Variants in DNAH6 observed in about 807,000 individuals in gnomAD.
DNAH6 encodes axonemal beta dynein heavy chain 6.
A neutral mutation model predicts 491.4 loss-of-function variants in DNAH6; 340 were observed. The observed-to-expected ratio is 0.69, with a 90% CI of 0.63 to 0.76. The LOEUF (loss-of-function observed/expected upper bound fraction) is 0.76, where lower values mean the gene tolerates loss of function less well. Among genes scored for constraint, DNAH6 ranks in the 30% least tolerant of loss-of-function variants. The pLI, the probability that DNAH6 is intolerant of heterozygous loss-of-function variation, is 0.00. For synonymous variants in DNAH6, 1,603 were observed against 1,686.1 expected (o/e 0.95, Z 1.21); for missense variants, 4,443 against 4,972.2 (o/e 0.89, Z 3.20).
intron 33 of DNAH6, among the ~76,000 whole-genome samples, chr2:84,649,975 G>A (rs912006105): frequency 2.0e-5 from 3 of 152,002 alleles, no homozygotes; most frequent in Non-Finnish European, 4.4e-5. Flanking sequence ...CTGTCAGCCT[G>A]CATGGTCTCT....
At chr2:84,604,309 T>C in intron 18 of DNAH6, 30 bp from the exon 19 acceptor site, 1 of 1,510,456 alleles carries the variant, frequency 6.6e-7, no homozygotes, top group African/African-American at 1.4e-5. Context: ...GATAAAAAGC[T>C]TCATGTCTCT....
In DNAH6 at chr2:84,753,300, G is replaced by C. The variant is rs188984202; in HGVS notation, c.10512+8051G>C. 3.9e-5 allele frequency among the ~76,000 whole-genome samples: 6 copies of C among 152,102 alleles called. No homozygotes were observed. In the East Asian group the frequency reaches 1.2e-3, roughly 29 times the overall value. Reference sequence around the variant, plus strand: ...AAGTTTCTTATCAGATATATGATTTGCAAGAATGTTCTCTCATCCTATGGG... The same window carrying C: ...AAGTTTCTTATCAGATATATGATTTCCAAGAATGTTCTCTCATCCTATGGG... On this transcript the variant is annotated intron_variant, in intron 63 of 76. Coordinates refer to ENST00000389394, the MANE Select transcript of DNAH6 (RefSeq NM_001370.2).
chr2:84,496,656 C>T, the DNAH6 span, among the ~76,000 whole-genome samples: 1 of 152,058 alleles, frequency 6.6e-6, no homozygotes, highest in South Asian at 2.1e-4. Flanking sequence ...GAAACTCCCA[C>T]CTGTGATTTT....
intron 64 of DNAH6, among the ~76,000 whole-genome samples, chr2:84,766,347 A>T (rs1211552045): frequency 6.6e-6 from 1 of 152,204 alleles, no homozygotes; most frequent in African/African-American, 2.4e-5. Context: ...CTCTGACCAC[A>T]ATAAAATCTT....
At position 84,664,814 on chromosome 2, in the gene DNAH6, C is replaced by A. The variant is rs181570970; in HGVS notation, c.6085-4475C>A. ...ATATACATTCTTCTCAGCACCACAT[C>A]GCACTTATTCCAAAATTGGCCACAT... On this transcript the variant is annotated intron_variant, in intron 37 of 76. Transcript: ENST00000389394. 4.4e-3 allele frequency among the ~76,000 whole-genome samples: 667 copies of A among 152,256 alleles called. 3 individuals carry two copies. The highest frequency in any genetic ancestry group is 0.015 in the African/African-American group (624 of 41,574).
At position 84,775,963 on chromosome 2, in the gene DNAH6, CTG is replaced by C. The variant is rs1676081839; in HGVS notation, c.10704-5528_10704-5527del. On this transcript the variant is annotated intron_variant, in intron 64 of 76. Coordinates refer to ENST00000389394, the MANE Select transcript of DNAH6 (RefSeq NM_001370.2). ...CTTGTTTATCCTTTCAAAAAACAAA[CTG>C]TTTTATTAATTCTTTTATTTTTGCT... Among the ~76,000 whole-genome samples, 3 of 152,056 alleles carry C rather than the reference CTG, an allele frequency of 2.0e-5. No individual in the cohort carries two copies. The South Asian group carries it at 6.2e-4, about 32-fold the overall frequency.
At chr2:84,682,017 C>T (rs1693827088) in intron 42 of DNAH6, among the ~76,000 whole-genome samples, 1 of 152,084 alleles carries the variant, frequency 6.6e-6, no homozygotes, top group African/African-American at 2.4e-5. Flanking sequence ...AAATAATTTT[C>T]TTTAAGACCC....
At chr2:84,762,055 G>T (rs558445181) in intron 63 of DNAH6, among the ~76,000 whole-genome samples, 1 of 152,152 alleles carries the variant, frequency 6.6e-6, no homozygotes, top group South Asian at 2.1e-4. Context: ...GTTGGGGAGG[G>T]ACAAGGCCAG....
At position 84,533,212 on chromosome 2, in the gene DNAH6, T is replaced by C. The variant is rs114922179; in HGVS notation, c.662+4046T>C. Among the ~76,000 whole-genome samples the C allele has an allele frequency of 1.8e-3, 269 of 152,208 alleles. 2 individuals are homozygous for C. Among genetic ancestry groups the C allele is most frequent in the Non-Finnish European group, 3.3e-3 (223 of 67,994 alleles). Reference sequence around the variant, plus strand: ...GTAAACCTCATTTTTTGACTTAGCATTGACAGAGAGTGAAAATTGTGGATC... The same window carrying C: ...GTAAACCTCATTTTTTGACTTAGCACTGACAGAGAGTGAAAATTGTGGATC... On this transcript the variant is annotated intron_variant, in intron 4 of 76. Transcript: ENST00000389394.
chr2:84,771,257 T>G (rs1304035408), intron 64 of DNAH6, among the ~76,000 whole-genome samples: 2 of 149,556 alleles, frequency 1.3e-5, no homozygotes, highest in African/African-American at 4.9e-5. Context: ...CATTGCACTC[T>G]AGCCTGGGCA....
intron 41 of DNAH6, among the ~76,000 whole-genome samples, chr2:84,679,340 T>C (rs905431440): frequency 1.3e-5 from 2 of 152,190 alleles, no homozygotes; most frequent in Non-Finnish European, 2.9e-5. Context: ...ATGTACATTA[T>C]AAGTGACTCT....
intron 2 of DNAH6, among the ~76,000 whole-genome samples, chr2:84,523,379 TG>T (rs1410775292): frequency 6.6e-6 from 1 of 151,960 alleles, no homozygotes; most frequent in African/African-American, 2.4e-5. Flanking sequence ...ATGGCCTATC[TG>T]TCTTATTAAT....
At chr2:84,810,279 C>T (rs1284764448) in intron 72 of DNAH6, among the ~76,000 whole-genome samples, 2 of 152,188 alleles carry the variant, frequency 1.3e-5, no homozygotes, top group Non-Finnish European at 2.9e-5. Flanking sequence ...ATGTTACACT[C>T]GTCATCTTTG....
intron 11 of DNAH6, among the ~76,000 whole-genome samples, chr2:84,572,308 A>G (rs993238398): frequency 9.2e-5 from 14 of 152,234 alleles, no homozygotes; most frequent in African/African-American, 3.1e-4. Flanking sequence ...TGACAGAGAT[A>G]TGCAGTTCTT....
At chr2:84,599,124 T>A (rs1476243482) in intron 18 of DNAH6, among the ~76,000 whole-genome samples, 1 of 152,162 alleles carries the variant, frequency 6.6e-6, no homozygotes, top group Non-Finnish European at 1.5e-5. Context: ...TCCATCTATA[T>A]TCTTTGATTA....
chr2:84,500,366 C>A, the DNAH6 span, among the ~76,000 whole-genome samples: 1 of 152,080 alleles, frequency 6.6e-6, no homozygotes, highest in Non-Finnish European at 1.5e-5. Flanking sequence ...TTTCTGGGTT[C>A]TCTATTCTGT....
intron 62 of DNAH6, among the ~76,000 whole-genome samples, chr2:84,734,342 G>T (rs890712762): frequency 6.6e-6 from 1 of 151,646 alleles, no homozygotes; most frequent in East Asian, 1.9e-4. Flanking sequence ...GGGTTTCACC[G>T]TGTTAGCCAG....
chr2:84,595,719 T>A lies in DNAH6; in HGVS notation c.2798T>A (p.Leu933Gln). ...VSKYAKFVTQ[L>Q]EKGLPPNSVV... ...AAATATGCTAAATTTGTGACTCAAC[T>A]GGAAAAAGGCTTGCCACCCAACAGT... The change falls in exon 18 of 77, where the codon CTG becomes CAG. Residue 933 changes from leucine to glutamine, a missense_variant. Physicochemically the swap from Leu to Gln is moderately radical, Grantham distance 113 (BLOSUM62 -2). Transcript: ENST00000389394. The A allele has an allele frequency of 6.4e-7, 1 of 1,551,418 alleles. No individual in the cohort carries two copies. The highest frequency in any genetic ancestry group is 1.2e-5 in the South Asian group (1 of 83,980).
chr2:84,764,043 G>T (rs142061296), intron 64 of DNAH6, among the ~76,000 whole-genome samples: 1 of 151,970 alleles, frequency 6.6e-6, no homozygotes, highest in East Asian at 1.9e-4. Context: ...GCTAAGTCCC[G>T]CTCACTTAGC....
Sources: allele counts gnomAD v4.1 joint callset (sites outside exome capture counted in the v4.1 genomes callset), GRCh38; gene constraint gnomAD v4.1.1; transcripts MANE v1.5; gene names NCBI Gene and HGNC (gene_info 2026-07-23, HGNC 2026-07-21).